The following MAGI2 variants were observed in gnomAD, a reference collection of about 807,000 sequenced individuals.
MAGI2 encodes the protein membrane-associated guanylate kinase, WW and PDZ domain-containing protein 2.
In MAGI2, 35 loss-of-function variants were observed where a neutral mutation model predicts 133.3. That is an observed-to-expected ratio of 0.26 (90% CI 0.20 to 0.35). MAGI2 has a LOEUF of 0.35. Among genes scored for constraint, MAGI2 ranks in the 10% least tolerant of loss-of-function variants. The probability of loss-of-function intolerance (pLI) is 1.00; values close to 1 mark genes in which losing one functional copy is unlikely to be tolerated. For missense variants in MAGI2, 1,636 were observed against 1,863.4 expected (o/e 0.88, Z 2.25); for synonymous variants, 729 against 710.6 (o/e 1.03, Z -0.41).
At chr7:78,840,745 C>T (rs558095) in intron 2 of MAGI2, among the ~76,000 whole-genome samples, 24,289 of 151,744 alleles carry the variant, frequency 0.16, 2,245 homozygotes, top group Non-Finnish European at 0.21. Context: ...AAAGAATATG[C>T]GATTTGCAAA....
At chr7:79,414,998 C>T (rs1846402036) in intron 1 of MAGI2, 1 of 152,100 alleles carries the variant, frequency 6.6e-6, no homozygotes, top group Non-Finnish European at 1.5e-5. Context: ...GGAAATAGAT[C>T]CAGTAAGTTT....
rs1841742331 is a variant in MAGI2, at chr7:79,352,269, G to C, written c.301+100751C>G. On this transcript the variant is annotated intron_variant, in intron 1 of 21. Transcript: ENST00000354212. ...GTTAGACATGGATGACTCGGAGAAT[G>C]CACAAACAGCTTTGTCTCATTTGGG... is the stretch of plus-strand genomic sequence containing the variant. Among the ~76,000 whole-genome samples, 6 of 152,334 alleles carry C rather than the reference G, an allele frequency of 3.9e-5. No homozygotes were observed. In the South Asian group the frequency reaches 1.2e-3, roughly 32 times the overall value.
chr7:78,810,071 T>G (rs554590274), intron 2 of MAGI2, among the ~76,000 whole-genome samples: 1 of 152,210 alleles, frequency 6.6e-6, no homozygotes, highest in African/African-American at 2.4e-5. Context: ...TTGAAAGATA[T>G]GTAAGAAACA....
chr7:78,437,331 C>T (rs1169696562), intron 6 of MAGI2, among the ~76,000 whole-genome samples: 2 of 152,120 alleles, frequency 1.3e-5, no homozygotes, highest in Non-Finnish European at 2.9e-5. Flanking sequence ...TACTAAATGA[C>T]TCATAAAAGC....
intron 1 of MAGI2, among the ~76,000 whole-genome samples, chr7:79,202,540 A>G (rs10262446): frequency 0.065 from 9,941 of 151,966 alleles, 1,201 homozygotes; most frequent in African/African-American, 0.23. Flanking sequence ...CTTAGGATCC[A>G]CTAACTACCA....
chr7:78,973,278 T>G (rs1329665333), intron 2 of MAGI2, among the ~76,000 whole-genome samples: 3 of 151,948 alleles, frequency 2.0e-5, no homozygotes, highest in Non-Finnish European at 2.9e-5. Flanking sequence ...CTTCTAGGTA[T>G]AACTATTGTT....
At position 78,686,199 on chromosome 7, in the gene MAGI2, C is replaced by T. The variant is rs150106555; in HGVS notation, c.419-58960G>A. Among the ~76,000 whole-genome samples, 610 of 151,852 alleles carry T rather than the reference C, an allele frequency of 4.0e-3. 1 individual carries two copies. The highest frequency in any genetic ancestry group is 0.017 in the Middle Eastern group (5 of 294). ...GAGGTAAGCTTTTCTTTCATTGTCT[C>T]CTCTCCCTTTATTTTATCTTTTACC... On this transcript the variant is annotated intron_variant, in intron 2 of 21. Coordinates refer to ENST00000354212, the MANE Select transcript of MAGI2 (RefSeq NM_012301.4).
At chr7:78,810,370 A>G (rs1225686168) in intron 2 of MAGI2, among the ~76,000 whole-genome samples, 1 of 152,156 alleles carries the variant, frequency 6.6e-6, no homozygotes, top group East Asian at 1.9e-4. Flanking sequence ...ATACCTATGT[A>G]TTAGGTTAAA....
chr7:79,449,814 T>C (rs910531985), intron 1 of MAGI2, among the ~76,000 whole-genome samples: 1 of 150,298 alleles, frequency 6.7e-6, no homozygotes, highest in Admixed American at 6.7e-5. Context: ...TGAATTTCAT[T>C]AAACAGTTTT....
At chr7:78,820,203 T>C (rs1789969085) in intron 2 of MAGI2, among the ~76,000 whole-genome samples, 1 of 152,016 alleles carries the variant, frequency 6.6e-6, no homozygotes, top group Non-Finnish European at 1.5e-5. Flanking sequence ...TGCATTTATC[T>C]TTCAATTCTC....
intron 2 of MAGI2, among the ~76,000 whole-genome samples, chr7:78,875,774 G>A (rs1442896090): frequency 6.6e-6 from 1 of 152,024 alleles, no homozygotes; most frequent in African/African-American, 2.4e-5. Context: ...TAGATTTTGG[G>A]CATAGCAAAC....
intron 6 of MAGI2, among the ~76,000 whole-genome samples, chr7:78,406,977 G>C (rs887272147): frequency 6.6e-6 from 1 of 151,810 alleles, no homozygotes; most frequent in African/African-American, 2.4e-5. Flanking sequence ...TGGACATGCA[G>C]CACAAAAAAA....
intron 1 of MAGI2, among the ~76,000 whole-genome samples, chr7:79,428,779 C>T (rs12531328): frequency 0.48 from 72,773 of 151,838 alleles, 17,733 homozygotes; most frequent in Middle Eastern, 0.65. Context: ...GATGACAAAT[C>T]GCCTGAGTTA....
At chr7:78,901,302 C>T (rs1456236384) in intron 2 of MAGI2, 1 of 152,022 alleles carries the variant, frequency 6.6e-6, no homozygotes, top group Non-Finnish European at 1.5e-5. Context: ...TTTTAATAAG[C>T]TTATTGTTTA....
chr7:78,981,472 T>C (rs1283168756), intron 2 of MAGI2, among the ~76,000 whole-genome samples: 1 of 151,878 alleles, frequency 6.6e-6, no homozygotes, highest in Non-Finnish European at 1.5e-5. Context: ...CTATGTCTTT[T>C]AATGTCACAA....
At chr7:79,251,094 A>T (rs1393431465) in intron 1 of MAGI2, among the ~76,000 whole-genome samples, 1 of 152,148 alleles carries the variant, frequency 6.6e-6, no homozygotes, top group Non-Finnish European at 1.5e-5. Context: ...AATCAAAATG[A>T]ATTAAAGACT....
At chr7:78,466,227 A>G (rs1790616712) in intron 6 of MAGI2, among the ~76,000 whole-genome samples, 2 of 152,190 alleles carry the variant, frequency 1.3e-5, no homozygotes, top group African/African-American at 4.8e-5. Flanking sequence ...CTATTTGCTC[A>G]GCCCCTACTT....
chr7:78,917,746 G>A (rs1169226093), intron 2 of MAGI2, among the ~76,000 whole-genome samples: 1 of 152,054 alleles, frequency 6.6e-6, no homozygotes, highest in Non-Finnish European at 1.5e-5. Flanking sequence ...ATAAATTGGG[G>A]GTGCTCACAA....
chr7:79,410,198 A>C (rs556708581), intron 1 of MAGI2: 1 of 152,260 alleles, frequency 6.6e-6, no homozygotes, highest in Non-Finnish European at 1.5e-5. Flanking sequence ...GATGAAATTT[A>C]GTGTTCATTT....
Sources: gnomAD v4.1 joint callset for allele counts (sites outside exome capture counted in the v4.1 genomes callset) on GRCh38, gnomAD v4.1.1 for gene constraint, MANE v1.5 for transcripts, NCBI Gene and HGNC (gene_info 2026-07-23, HGNC 2026-07-21) for gene names.